The following GLI3 variants were observed in gnomAD, a reference collection of about 807,000 sequenced individuals.
The protein encoded by GLI3 is GLI family zinc finger 3.
GLI3 carries 20 observed loss-of-function variants against 100.8 expected under a neutral mutation model. The observed-to-expected ratio is 0.20, with a 90% CI of 0.14 to 0.29. The LOEUF is 0.29. GLI3 is among the 10% of genes least tolerant of loss of function. GLI3 has a pLI of 1.00. For missense variants in GLI3, 2,040 were observed against 2,128.5 expected, an observed-to-expected ratio of 0.96 and a Z score of 0.82; for synonymous variants, 938 against 860.5, an observed-to-expected ratio of 1.09 and a Z score of -1.58.
chr7:42,040,116 A>C lies in GLI3; in HGVS notation c.950T>G (p.Leu317Trp). 1 of 1,614,142 alleles carries C rather than the reference A, an allele frequency of 6.2e-7. No individual in the cohort carries two copies. Among genetic ancestry groups the C allele is most frequent in the Non-Finnish European group, 8.5e-7 (1 of 1,179,962 alleles). Residue 317 changes from leucine to tryptophan, a missense_variant, in exon 7 of 15, where the codon TTG becomes TGG. Leu to Trp is a moderately conservative substitution (Grantham distance 61). Transcript: ENST00000395925. ...QTMIRTSPNSLVTILNNSRSS... is the reference protein window; with the variant it reads ...QTMIRTSPNSWVTILNNSRSS... The stretch of plus-strand genomic sequence containing the variant: ...ACGGGAATTATTGAGAATCGTGACC[A>C]AGGAGTTGGGAGACGTCCTTATCAT...
intron 3 of GLI3, among the ~76,000 whole-genome samples, chr7:42,143,019 G>A (rs549932206): frequency 2.0e-5 from 3 of 150,024 alleles, no homozygotes; most frequent in Admixed American, 1.3e-4. Flanking sequence ...CTAAAAGAAA[G>A]CCAGGTCATT....
In GLI3 at chr7:42,023,542, C is replaced by T; in HGVS notation, c.1423G>A (p.Glu475Lys). ...GDKDESKQEP[E>K]VIYETNCHWE... ...TGGCAGTTTGTCTCATAGATGACTT[C>T]AGGCTCCTGTTTGCTTTCATCTTTG... is the stretch of plus-strand genomic sequence containing the variant. Residue 475 changes from glutamate (E) to lysine (K), a missense_variant, in exon 10 of 15, where the codon GAA becomes AAA. Glu to Lys is a moderately conservative substitution (Grantham distance 56). Around this residue, in one of 5 missense-constraint regions of GLI3, gnomAD observed 603 missense variants for 690.9 expected, o/e 0.87. Transcript: ENST00000395925. The T allele has an allele frequency of 6.2e-7, 1 of 1,613,822 alleles. No homozygotes were observed. Among genetic ancestry groups the T allele is most frequent in the Non-Finnish European group, 8.5e-7 (1 of 1,179,890 alleles).
intron 4 of GLI3, among the ~76,000 whole-genome samples, chr7:42,069,014 T>A (rs1456863906): frequency 6.6e-6 from 1 of 152,178 alleles, no homozygotes; most frequent in Non-Finnish European, 1.5e-5. Context: ...GAAAAAAGTC[T>A]GTTACAGCCC....
At chr7:42,186,423 G>C (rs558143372) in intron 2 of GLI3, among the ~76,000 whole-genome samples, 5 of 152,110 alleles carry the variant, frequency 3.3e-5, no homozygotes, top group Non-Finnish European at 7.3e-5. Flanking sequence ...GAATAATGAC[G>C]TTCTTGATTT....
intron 4 of GLI3, among the ~76,000 whole-genome samples, chr7:42,056,324 A>G (rs1006153847): frequency 2.6e-5 from 4 of 152,210 alleles, no homozygotes; most frequent in South Asian, 2.1e-4. Context: ...CAGTCAAATG[A>G]GGCAAAAGGC....
intron 1 of GLI3, among the ~76,000 whole-genome samples, chr7:42,244,193 A>G (rs1356402631): frequency 6.6e-6 from 1 of 152,170 alleles, no homozygotes; most frequent in African/African-American, 2.4e-5. Flanking sequence ...TTAGGAGACT[A>G]TTTCTTACAG....
At chr7:42,158,299 T>C (rs1787050709) in intron 2 of GLI3, among the ~76,000 whole-genome samples, 1 of 152,206 alleles carries the variant, frequency 6.6e-6, no homozygotes, top group Non-Finnish European at 1.5e-5. Context: ...ATCAACCAGT[T>C]ATTCAGCTAA....
intron 3 of GLI3, among the ~76,000 whole-genome samples, chr7:42,082,636 G>A (rs972014636): frequency 6.6e-6 from 1 of 152,116 alleles, no homozygotes; most frequent in African/African-American, 2.4e-5. Flanking sequence ...CATATTATGT[G>A]GGGTTAGAAA....
In GLI3 at chr7:42,059,493, AAATT is replaced by A. The variant is rs1352372308; in HGVS notation, c.474-10801_474-10798del. Among the ~76,000 whole-genome samples the A allele has an allele frequency of 1.9e-4, 28 of 150,318 alleles. 1 individual carries two copies. Among genetic ancestry groups the A allele is most frequent in the African/African-American group, 2.9e-4 (12 of 41,292 alleles). On this transcript the variant is annotated intron_variant, in intron 4 of 14. Coordinates refer to ENST00000395925, the MANE Select transcript of GLI3 (RefSeq NM_000168.6). The stretch of plus-strand genomic sequence containing the variant: ...TTTATAATTCTTAATTACAAATTAT[AAATT>A]AATTAATATAATAAAAATAAATATA...
intron 3 of GLI3, among the ~76,000 whole-genome samples, chr7:42,083,277 A>G (rs1037124397): frequency 6.6e-6 from 1 of 152,186 alleles, no homozygotes; most frequent in African/African-American, 2.4e-5. Context: ...AGGTCCCACA[A>G]ATAAGTGAGA....
Position 42,076,846 on chromosome 7 carries a change from G to C in GLI3, c.379C>G (p.Leu127Val). The change falls in exon 4 of 15, where the codon CTT becomes GTT. Residue 127 changes from leucine to valine, a missense_variant. Leu to Val is a conservative substitution (Grantham distance 32). This residue lies in a region of GLI3 where 603 missense variants were observed against 690.9 expected (regional missense o/e 0.87). Coordinates refer to ENST00000395925, the MANE Select transcript of GLI3 (RefSeq NM_000168.6). ...YMEPHYHPPH[L>V]FPAFHPPVPI... is the part of the protein sequence containing the mutation. Reference sequence around the variant, plus strand: ...ACAGGAGGATGGAAGGCAGGGAAAAGATGAGGAGGGTCTGAAAAGAAGAGA... The same window carrying C: ...ACAGGAGGATGGAAGGCAGGGAAAACATGAGGAGGGTCTGAAAAGAAGAGA... 2 of 1,606,924 alleles carry C rather than the reference G, an allele frequency of 1.2e-6. No individual in the cohort carries two copies. The highest frequency in any genetic ancestry group is 1.7e-6 in the Non-Finnish European group (2 of 1,173,432).
chr7:42,207,243 C>A (rs902564224), intron 2 of GLI3, among the ~76,000 whole-genome samples: 6 of 152,156 alleles, frequency 3.9e-5, no homozygotes, highest in Non-Finnish European at 8.8e-5. Flanking sequence ...ACAGCCAAAC[C>A]CTGGATGCCA....
intron 4 of GLI3, among the ~76,000 whole-genome samples, chr7:42,058,314 G>T (rs1181272340): frequency 6.6e-6 from 1 of 152,130 alleles, no homozygotes; most frequent in Non-Finnish European, 1.5e-5. Flanking sequence ...GAACTGTTAA[G>T]TTAGAAGTTT....
intron 2 of GLI3, among the ~76,000 whole-genome samples, chr7:42,189,971 AACACACACACACACACACACACAC>A (rs57107204): frequency 3.5e-5 from 5 of 143,386 alleles, no homozygotes; most frequent in Non-Finnish European, 6.1e-5. Flanking sequence ...GCATGGGCTC[AACACACACACACACACACACACAC>A]ACACACACAC....
chr7:42,199,200 C>A (rs1248749789), intron 2 of GLI3, among the ~76,000 whole-genome samples: 1 of 152,190 alleles, frequency 6.6e-6, no homozygotes, highest in Non-Finnish European at 1.5e-5. Flanking sequence ...TAGCTACTCA[C>A]CGCAAAGCTG....
intron 14 of GLI3, among the ~76,000 whole-genome samples, chr7:41,967,256 C>A (rs1583733521): frequency 6.6e-6 from 1 of 152,180 alleles, no homozygotes; most frequent in African/African-American, 2.4e-5. Flanking sequence ...AAAGTGGCTG[C>A]TAACCTCGTG....
chr7:42,201,414 G>C (rs1400888740), intron 2 of GLI3, among the ~76,000 whole-genome samples: 2 of 152,144 alleles, frequency 1.3e-5, no homozygotes, highest in Non-Finnish European at 2.9e-5. Context: ...CTAAGGGACA[G>C]GTTAAGTACT....
chr7:41,972,677 T>A lies in GLI3; in HGVS notation c.1813-50A>T. The A allele has an allele frequency of 6.7e-7, 1 of 1,500,384 alleles. No homozygotes were observed. Among genetic ancestry groups the A allele is most frequent in the Non-Finnish European group, 9.2e-7 (1 of 1,091,500 alleles). 92.9% of individuals were successfully genotyped at this position (1,500,384 alleles called of 1,614,324 possible). A position where few individuals can be genotyped will look rare whatever the true frequency, so the allele number is the denominator to read the frequency against. ...TAAGAGATTGTTATGAAAGAGACTA[T>A]GCCCCAGCCCAAAAGTCCTTTATGG... is the stretch of plus-strand genomic sequence containing the variant. On this transcript the variant is annotated intron_variant, in intron 12 of 14. Coordinates refer to ENST00000395925, the MANE Select transcript of GLI3 (RefSeq NM_000168.6). This position sits in a 1 kb window ranked among gnomAD's most constrained non-coding sequence, Gnocchi z 4.4.
intron 14 of GLI3, 22 bp downstream of exon 14, chr7:41,967,570 GATGC>G: frequency 1.3e-6 from 2 of 1,530,860 alleles, no homozygotes; most frequent in Non-Finnish European, 1.8e-6. Flanking sequence ...ACCCTGAGCA[GATGC>G]ATGGTCTGAT....
Sources: gnomAD v4.1 joint callset for allele counts (sites outside exome capture counted in the v4.1 genomes callset) on GRCh38, gnomAD v4.1.1 for gene constraint, gnomAD v4.1.1 regional missense constraint, Gnocchi (gnomAD v3.1) non-coding constraint, MANE v1.5 for transcripts, NCBI Gene and HGNC (gene_info 2026-07-23, HGNC 2026-07-21) for gene names.